The following DNAI7 variants were observed in gnomAD, a reference collection of about 807,000 sequenced individuals.
DNAI7 encodes dynein axonemal intermediate chain 7, also known as cancer susceptibility 1.
A neutral mutation model predicts 86.6 loss-of-function variants in DNAI7; 78 were observed. That is an observed-to-expected ratio of 0.90 (90% confidence interval 0.75 to 1.09). The LOEUF (loss-of-function observed/expected upper bound fraction) is 1.09, where lower values mean the gene tolerates loss of function less well. Ranked by LOEUF, DNAI7 falls within the 50% of genes least tolerant of loss-of-function variation. DNAI7 has a pLI of 0.00. For missense variants in DNAI7, 753 were observed against 810.2 expected (o/e 0.93, Z 0.86); for synonymous variants, 274 against 273.0 (o/e 1.00, Z -0.04).
intron 9 of DNAI7, among the ~76,000 whole-genome samples, chr12:25,140,679 A>G (rs1190676886): frequency 1.4e-5 from 2 of 147,948 alleles, no homozygotes; most frequent in Admixed American, 7.0e-5. Context: ...TCAAAATACC[A>G]TCATCATTCT....
At position 25,150,938 on chromosome 12, in the gene DNAI7, T is replaced by C. The variant is rs1364960353; in HGVS notation, c.439-1164A>G. 9.8e-5 allele frequency among the ~76,000 whole-genome samples: 15 copies of C among 152,354 alleles called. 1 individual carries two copies. In the East Asian group the frequency reaches 2.9e-3, roughly 29 times the overall value. On this transcript the variant is annotated intron_variant, in intron 6 of 15. Coordinates refer to ENST00000395987, the MANE Select transcript of DNAI7 (RefSeq NM_018272.5). ...GAACTGTTCTAAATGCTGTATATGT[T>C]TTAATGCATTCATTCTTCATTATAA...
At chr12:25,189,487 CA>C (rs1207800575) in intron 2 of DNAI7, among the ~76,000 whole-genome samples, 4 of 152,034 alleles carry the variant, frequency 2.6e-5, no homozygotes, top group South Asian at 4.2e-4. Flanking sequence ...CCAAAAAATA[CA>C]AAAATTAGAC....
At chr12:25,192,604 A>T (rs1180630048) in intron 1 of DNAI7, 1 of 152,132 alleles carries the variant, frequency 6.6e-6, no homozygotes, top group African/African-American at 2.4e-5. Flanking sequence ...AGGCAGGGGG[A>T]TCACCTGAGG....
In DNAI7 at chr12:25,149,856, G is replaced by C. The variant is rs1945291847; in HGVS notation, c.439-82C>G. 1.3e-5 allele frequency: 10 copies of C among 785,106 alleles called. No homozygotes were observed. The South Asian group carries it at 1.5e-4, about 12-fold the overall frequency. 48.6% of individuals were successfully genotyped at this position (785,106 alleles called of 1,614,324 possible). A position where few individuals can be genotyped will look rare whatever the true frequency, so the allele number is the denominator to read the frequency against. On this transcript the variant is annotated intron_variant, in intron 6 of 15. Transcript: ENST00000395987. ...AAAAAGGGAATGTTTTATCCCTTTTGAATTGAGGAACACATCCTTAGCAAA... is the reference window on the plus strand; with the variant it reads ...AAAAAGGGAATGTTTTATCCCTTTTCAATTGAGGAACACATCCTTAGCAAA...
Position 25,121,760 on chromosome 12 carries a change from A to G in DNAI7, c.1232T>C (p.Ile411Thr). Residue 411 changes from isoleucine (I) to threonine (T), a missense_variant, in exon 11 of 16, where the codon ATT becomes ACT. By Grantham distance (89) the Ile-to-Thr change is moderately conservative. Coordinates refer to ENST00000395987, the MANE Select transcript of DNAI7 (RefSeq NM_018272.5). ...PQCKPVKGWM[I>T]VEILKEGLQK... is the part of the protein sequence containing the mutation. ...ATTCAAGAATCAACCTACTTCCACA[A>G]TCATCCATCCCTTCACTGGTTTACA... The G allele has an allele frequency of 6.3e-7, 1 of 1,596,266 alleles. No individual in the cohort carries two copies. The highest frequency in any genetic ancestry group is 1.2e-5 in the South Asian group (1 of 86,298).
At chr12:25,144,289 C>A in intron 9 of DNAI7, 76 bp downstream of exon 9, 1 of 1,266,066 alleles carries the variant, frequency 7.9e-7, no homozygotes, top group Non-Finnish European at 1.1e-6. Context: ...TAGGAAAAAT[C>A]TTGAGAACAC....
intron 2 of DNAI7, among the ~76,000 whole-genome samples, chr12:25,181,795 T>C (rs1412673841): frequency 6.6e-6 from 1 of 152,068 alleles, no homozygotes; most frequent in Non-Finnish European, 1.5e-5. Flanking sequence ...ACTAATCAGA[T>C]AAATTTCAAT....
intron 7 of DNAI7, 67 bp from the exon 8 acceptor site, chr12:25,147,171 T>TAC (rs1418231780): frequency 2.4e-5 from 19 of 799,788 alleles, no homozygotes; most frequent in Middle Eastern, 2.3e-4. Flanking sequence ...TTAGATAAGT[T>TAC]ACTTTATCAC....
intron 1 of DNAI7, among the ~76,000 whole-genome samples, chr12:25,194,672 A>T (rs930486380): frequency 2.6e-5 from 4 of 152,238 alleles, no homozygotes; most frequent in Non-Finnish European, 5.9e-5. Context: ...ATTTTTTCAA[A>T]GCAGAGTAAA....
chr12:25,157,277 CAAAAAA>C (rs34695125), intron 4 of DNAI7, among the ~76,000 whole-genome samples: 1 of 89,028 alleles, frequency 1.1e-5, no homozygotes. Flanking sequence ...GACTCCGTCT[CAAAAAA>C]AAAAAAAAAA....
chr12:25,133,557 T>C (rs1032467929), intron 9 of DNAI7, among the ~76,000 whole-genome samples: 22 of 152,194 alleles, frequency 1.4e-4, no homozygotes, highest in African/African-American at 5.3e-4. Flanking sequence ...GCACAGAAGA[T>C]GGCTTCCCCC....
At chr12:25,177,877 C>T (rs1418543215) in intron 2 of DNAI7, among the ~76,000 whole-genome samples, 8 of 152,138 alleles carry the variant, frequency 5.3e-5, no homozygotes, top group African/African-American at 7.2e-5. Flanking sequence ...TAAGAAAGTG[C>T]GCTGTAACCT....
intron 9 of DNAI7, among the ~76,000 whole-genome samples, chr12:25,132,705 C>T (rs56031509): frequency 0.012 from 1,866 of 150,446 alleles, 66 homozygotes; most frequent in South Asian, 0.058. Context: ...TATGTGAAGA[C>T]GCCTGCCTGC....
intron 1 of DNAI7, 110 bp downstream of exon 1, chr12:25,194,966 C>G: frequency 6.2e-7 from 1 of 1,614,232 alleles, no homozygotes; most frequent in Non-Finnish European, 8.5e-7. Flanking sequence ...TTTCCCAAAC[C>G]GACCCGCTTC....
chr12:25,112,668 A>G (rs1353346698), intron 13 of DNAI7, among the ~76,000 whole-genome samples: 2 of 151,932 alleles, frequency 1.3e-5, no homozygotes, highest in African/African-American at 4.8e-5. Context: ...GGCCTCCTAA[A>G]GCGCTGGGAT....
rs1295398923 is a variant in DNAI7 at position 25,149,627 on chromosome 12, C to A, written c.585+1G>T. ...ATATATAAGCAAAATATCACACTTACTTTGAGAAGTATTTCTGTGGCTACA... is the reference window on the plus strand; with the variant it reads ...ATATATAAGCAAAATATCACACTTAATTTGAGAAGTATTTCTGTGGCTACA... On this transcript the variant is annotated splice_donor_variant, in intron 7 of 15. Coordinates refer to ENST00000395987, the MANE Select transcript of DNAI7 (RefSeq NM_018272.5). LOFTEE classifies it high-confidence loss of function. 1 of 1,598,246 alleles carries A rather than the reference C, an allele frequency of 6.3e-7. No individual in the cohort carries two copies. Among genetic ancestry groups the A allele is most frequent in the Non-Finnish European group, 8.5e-7 (1 of 1,172,440 alleles).
chr12:25,165,521 T>G (rs1947356733), intron 2 of DNAI7, among the ~76,000 whole-genome samples: 1 of 152,216 alleles, frequency 6.6e-6, no homozygotes, highest in African/African-American at 2.4e-5. Flanking sequence ...AAAATTGGAC[T>G]GTTCAACTGA....
At chr12:25,117,713 C>T (rs1940406223) in intron 12 of DNAI7, among the ~76,000 whole-genome samples, 1 of 152,004 alleles carries the variant, frequency 6.6e-6, no homozygotes, top group African/African-American at 2.4e-5. Context: ...TGTCCCATGG[C>T]TCAAAAATAA....
intron 9 of DNAI7, among the ~76,000 whole-genome samples, chr12:25,128,101 AT>A (rs1310360352): frequency 7.2e-5 from 11 of 152,234 alleles, no homozygotes; most frequent in African/African-American, 2.7e-4. Context: ...ACAATTATTA[AT>A]GAAGTAAATG....
Sources: gnomAD v4.1 joint callset for allele counts (sites outside exome capture counted in the v4.1 genomes callset) on GRCh38, gnomAD v4.1.1 for gene constraint, MANE v1.5 for transcripts, NCBI Gene and HGNC (gene_info 2026-07-23, HGNC 2026-07-21) for gene names.